FSTL5: variants seen among roughly 807,000 people sequenced by gnomAD.
FSTL5 encodes follistatin-related protein 5.
A neutral mutation model predicts 89.1 loss-of-function variants in FSTL5; 62 were observed. That is an observed-to-expected ratio of 0.70 (90% CI 0.57 to 0.86). FSTL5 has a LOEUF of 0.86. Ranked by LOEUF, FSTL5 falls within the 40% of genes least tolerant of loss-of-function variation. The probability of loss-of-function intolerance (pLI) is 0.00; values close to 1 mark genes in which losing one functional copy is unlikely to be tolerated. For missense variants in FSTL5, 1,057 were observed against 1,001.6 expected (o/e 1.06, Z -0.75); for synonymous variants, 383 against 346.2 (o/e 1.11, Z -1.18).
intron 3 of FSTL5, among the ~76,000 whole-genome samples, chr4:161,933,339 CTGGCTCATGT>C (rs1270307933): frequency 6.6e-6 from 1 of 152,068 alleles, no homozygotes; most frequent in Non-Finnish European, 1.5e-5. Flanking sequence ...CTTCTCAATT[CTGGCTCATGT>C]TGAGGTTGTG....
chr4:161,773,973 G>A (rs1002066018), intron 5 of FSTL5, among the ~76,000 whole-genome samples: 3 of 152,090 alleles, frequency 2.0e-5, no homozygotes, highest in African/African-American at 7.2e-5. Context: ...TAAAGAAATT[G>A]TGATATGGCC....
At chr4:161,474,544 G>GTTTT (rs147822987) in intron 13 of FSTL5, among the ~76,000 whole-genome samples, 1 of 121,842 alleles carries the variant, frequency 8.2e-6, no homozygotes, top group Non-Finnish European at 1.7e-5. Flanking sequence ...ATTGTGTAGT[G>GTTTT]GTTTTTTTTT....
At chr4:161,866,996 G>C (rs1371105715) in intron 4 of FSTL5, among the ~76,000 whole-genome samples, 2 of 152,104 alleles carry the variant, frequency 1.3e-5, no homozygotes, top group Admixed American at 6.5e-5. Flanking sequence ...TAATTGGCTA[G>C]TAAAATGACT....
chr4:162,118,709 T>C (rs1306088477), intron 1 of FSTL5, among the ~76,000 whole-genome samples: 1 of 152,074 alleles, frequency 6.6e-6, no homozygotes, highest in African/African-American at 2.4e-5. Context: ...AAACAAGGAA[T>C]TACTGCCTTT....
At chr4:161,910,808 C>A (rs1439746257) in intron 4 of FSTL5, among the ~76,000 whole-genome samples, 2 of 152,110 alleles carry the variant, frequency 1.3e-5, no homozygotes, top group African/African-American at 2.4e-5. Context: ...CCAGACTTGG[C>A]AGATTTTTTC....
At chr4:161,472,935 G>T (rs527706431) in intron 13 of FSTL5, among the ~76,000 whole-genome samples, 23 of 152,130 alleles carry the variant, frequency 1.5e-4, no homozygotes, top group African/African-American at 5.5e-4. Context: ...AGGTTGGCCA[G>T]GATCGTCTCG....
intron 13 of FSTL5, among the ~76,000 whole-genome samples, chr4:161,467,302 A>C (rs1733779908): frequency 6.6e-6 from 1 of 152,154 alleles, no homozygotes; most frequent in Admixed American, 6.5e-5. Context: ...CAGATTAGAA[A>C]AAATAGGTAA....
chr4:161,490,540 C>G (rs1729831440), intron 12 of FSTL5, among the ~76,000 whole-genome samples: 1 of 150,012 alleles, frequency 6.7e-6, no homozygotes, highest in South Asian at 2.1e-4. Context: ...AGGAATAAAA[C>G]TTTTTTTTTT....
intron 6 of FSTL5, among the ~76,000 whole-genome samples, chr4:161,682,866 C>A (rs555182315): frequency 6.6e-6 from 1 of 152,176 alleles, no homozygotes; most frequent in East Asian, 1.9e-4. Flanking sequence ...TCTGCCTTAG[C>A]TTCCCAAGTA....
intron 2 of FSTL5, among the ~76,000 whole-genome samples, chr4:162,040,322 A>G (rs1388225786): frequency 6.6e-6 from 1 of 152,070 alleles, no homozygotes; most frequent in Non-Finnish European, 1.5e-5. Context: ...ATGGAACTTG[A>G]GAATAGGAGA....
intron 15 of FSTL5, among the ~76,000 whole-genome samples, chr4:161,408,582 C>T (rs72681769): frequency 0.19 from 29,420 of 151,988 alleles, 3,378 homozygotes; most frequent in Non-Finnish European, 0.26. Context: ...TTCTGAATTG[C>T]CTAAAATGAC....
At chr4:161,407,551 T>TC in intron 15 of FSTL5, among the ~76,000 whole-genome samples, 1 of 152,252 alleles carries the variant, frequency 6.6e-6, no homozygotes, top group East Asian at 1.9e-4. Context: ...ACCTCTGGAA[T>TC]CCTAGCTGCA....
intron 6 of FSTL5, among the ~76,000 whole-genome samples, chr4:161,721,393 A>G (rs187288219): frequency 1.1e-4 from 17 of 152,162 alleles, no homozygotes; most frequent in Non-Finnish European, 2.2e-4. Flanking sequence ...ATATATAAAT[A>G]AAAGGTCCTG....
At position 161,621,827 on chromosome 4, in the gene FSTL5, CAAAA is replaced by C. The variant is rs58143952; in HGVS notation, c.895-34256_895-34253del. 2.4e-3 allele frequency among the ~76,000 whole-genome samples: 216 copies of C among 90,384 alleles called. 1 individual carries two copies. The highest frequency in any genetic ancestry group is 5.7e-3 in the African/African-American group (134 of 23,634). 59.3% of individuals were successfully genotyped at this position (90,384 alleles called of 152,430 possible). ...TGAGACCCTGTCTCTTCTAAAAATA[CAAAA>C]AAAAAAAAAAAAAAAAAATAGCTGG... On this transcript the variant is annotated intron_variant, in intron 7 of 15. Transcript: ENST00000306100.
At chr4:162,041,543 T>G (rs1001467916) in intron 2 of FSTL5, among the ~76,000 whole-genome samples, 2 of 152,118 alleles carry the variant, frequency 1.3e-5, no homozygotes, top group Non-Finnish European at 2.9e-5. Flanking sequence ...TCAACCAACT[T>G]CTCCTTCAGT....
intron 4 of FSTL5, among the ~76,000 whole-genome samples, chr4:161,875,102 C>T (rs1732399302): frequency 6.6e-6 from 1 of 152,028 alleles, no homozygotes; most frequent in Non-Finnish European, 1.5e-5. Flanking sequence ...TTTCCCTTGT[C>T]TTGTTTGTTC....
chr4:161,625,421 G>A (rs1019624775), intron 7 of FSTL5, among the ~76,000 whole-genome samples: 4 of 151,996 alleles, frequency 2.6e-5, no homozygotes, highest in African/African-American at 9.7e-5. Flanking sequence ...TATCATTGAT[G>A]TTAATATTGT....
chr4:161,790,138 C>A (rs1176305750), intron 4 of FSTL5, among the ~76,000 whole-genome samples: 5 of 152,114 alleles, frequency 3.3e-5, no homozygotes, highest in Non-Finnish European at 7.4e-5. Context: ...TCTTACAAGG[C>A]CATAGAGTAA....
intron 7 of FSTL5, among the ~76,000 whole-genome samples, chr4:161,600,242 A>AATAAGCT (rs1361855892): frequency 6.6e-6 from 1 of 151,612 alleles, no homozygotes; most frequent in East Asian, 1.9e-4. Context: ...AACAGCCAAA[A>AATAAGCT]ATAAGCTATA....
Sources: allele counts gnomAD v4.1 joint callset (sites outside exome capture counted in the v4.1 genomes callset), GRCh38; gene constraint gnomAD v4.1.1; transcripts MANE v1.5; gene names NCBI Gene and HGNC (gene_info 2026-07-23, HGNC 2026-07-21).